SORCS1: variants seen among roughly 807,000 people sequenced by gnomAD.
SORCS1 encodes VPS10 domain-containing receptor SorCS1.
SORCS1 carries 60 observed loss-of-function variants against 146.1 expected under a neutral mutation model. That is an observed-to-expected ratio of 0.41 (90% CI 0.33 to 0.51). The LOEUF (loss-of-function observed/expected upper bound fraction) is 0.51, where lower values mean the gene tolerates loss of function less well. Among genes scored for constraint, SORCS1 ranks in the 20% least tolerant of loss-of-function variants. SORCS1 has a pLI of 0.21. For synonymous variants in SORCS1, 637 were observed against 584.0 expected, an observed-to-expected ratio of 1.09 and a Z score of -1.31; for missense variants, 1,352 against 1,487.6, an observed-to-expected ratio of 0.91 and a Z score of 1.50.
intron 21 of SORCS1, among the ~76,000 whole-genome samples, chr10:106,612,526 T>G (rs939013115): frequency 1.3e-5 from 2 of 151,584 alleles, no homozygotes; most frequent in African/African-American, 4.9e-5. Context: ...AAACTGGCCC[T>G]CTCACCCTAG....
chr10:107,148,148 C>CT (rs1703554903), intron 1 of SORCS1, among the ~76,000 whole-genome samples: 1 of 152,128 alleles, frequency 6.6e-6, no homozygotes, highest in Non-Finnish European at 1.5e-5. Flanking sequence ...GCCTTTGAGC[C>CT]AGGAAAACCA....
intron 2 of SORCS1, among the ~76,000 whole-genome samples, chr10:106,842,916 A>G: frequency 6.6e-6 from 1 of 152,222 alleles, no homozygotes; most frequent in African/African-American, 2.4e-5. Flanking sequence ...CCTGGCCCTT[A>G]CTGTTGAGTT....
chr10:106,781,400 G>A (rs575561503), intron 3 of SORCS1, among the ~76,000 whole-genome samples: 5 of 152,246 alleles, frequency 3.3e-5, no homozygotes, highest in African/African-American at 7.2e-5. Context: ...ATCAAGCAGA[G>A]GTAATGGGCT....
chr10:106,849,522 T>G, intron 2 of SORCS1, among the ~76,000 whole-genome samples: 1 of 149,312 alleles, frequency 6.7e-6, no homozygotes, highest in South Asian at 2.2e-4. Flanking sequence ...TTCTTTGCCT[T>G]TGGTTTGAAT....
At chr10:107,014,649 G>A (rs151295528) in intron 1 of SORCS1, among the ~76,000 whole-genome samples, 13 of 152,214 alleles carry the variant, frequency 8.5e-5, no homozygotes, top group African/African-American at 2.9e-4. Flanking sequence ...CAAATTGTCT[G>A]GTCCAATACC....
chr10:106,836,372 G>A (rs2137080027), intron 2 of SORCS1, among the ~76,000 whole-genome samples: 1 of 151,906 alleles, frequency 6.6e-6, no homozygotes, highest in South Asian at 2.1e-4. Flanking sequence ...TACTCGGGAG[G>A]CTGAGGCAGG....
At chr10:106,867,471 A>G (rs1032233992) in intron 2 of SORCS1, among the ~76,000 whole-genome samples, 1 of 151,994 alleles carries the variant, frequency 6.6e-6, no homozygotes, top group African/African-American at 2.4e-5. Flanking sequence ...TTTTTAGTAG[A>G]GATGGGTTTC....
intron 10 of SORCS1, among the ~76,000 whole-genome samples, chr10:106,684,055 G>T (rs1852634949): frequency 6.6e-6 from 1 of 152,184 alleles, no homozygotes; most frequent in African/African-American, 2.4e-5. Flanking sequence ...TGCCAGATAG[G>T]CCGGGCACGG....
chr10:107,020,070 A>G (rs543985013), intron 1 of SORCS1, among the ~76,000 whole-genome samples: 1 of 152,342 alleles, frequency 6.6e-6, no homozygotes, highest in East Asian at 1.9e-4. Flanking sequence ...CATGAAAGGC[A>G]ATGACCTCTG....
At chr10:106,878,626 A>G (rs1248741822) in intron 2 of SORCS1, among the ~76,000 whole-genome samples, 13 of 130,368 alleles carry the variant, frequency 1.0e-4, no homozygotes, top group African/African-American at 3.7e-4. Context: ...CCTAGTATAT[A>G]TATATATATA....
At chr10:107,024,634 T>C (rs895134376) in intron 1 of SORCS1, among the ~76,000 whole-genome samples, 4 of 152,258 alleles carry the variant, frequency 2.6e-5, no homozygotes, top group Middle Eastern at 3.4e-3. Context: ...CTTTGAGAGG[T>C]AGTAGCATAA....
intron 1 of SORCS1, among the ~76,000 whole-genome samples, chr10:107,015,757 G>A (rs1957871061): frequency 6.6e-6 from 1 of 152,172 alleles, no homozygotes; most frequent in African/African-American, 2.4e-5. Context: ...AATTAGAAGA[G>A]TTCATTTGTA....
intron 6 of SORCS1, among the ~76,000 whole-genome samples, chr10:106,717,399 A>T (rs542809847): frequency 1.3e-5 from 2 of 152,210 alleles, no homozygotes; most frequent in African/African-American, 4.8e-5. Context: ...CAAAAGTGAG[A>T]TTCTAGTCTT....
At chr10:107,159,856 C>T (rs899979078) in intron 1 of SORCS1, among the ~76,000 whole-genome samples, 5 of 151,082 alleles carry the variant, frequency 3.3e-5, no homozygotes, top group African/African-American at 1.2e-4. Flanking sequence ...AAAAAAAAAA[C>T]TGTATCAAAA....
At chr10:107,056,461 A>G (rs1433588917) in intron 1 of SORCS1, among the ~76,000 whole-genome samples, 1 of 152,134 alleles carries the variant, frequency 6.6e-6, no homozygotes, top group Non-Finnish European at 1.5e-5. Context: ...TTTTAATTTT[A>G]ATTGTTCTCT....
chr10:106,924,489 C>CTATG (rs989126024), intron 2 of SORCS1, among the ~76,000 whole-genome samples: 1 of 150,702 alleles, frequency 6.6e-6, no homozygotes, highest in African/African-American at 2.5e-5. Context: ...ATCTATCTAT[C>CTATG]TATCTATCTA....
At chr10:107,091,886 C>T (rs993297612) in intron 1 of SORCS1, among the ~76,000 whole-genome samples, 1 of 152,150 alleles carries the variant, frequency 6.6e-6, no homozygotes, top group African/African-American at 2.4e-5. Context: ...GTTTCATGAC[C>T]CATCACTCAC....
At chr10:106,715,911 C>A (rs1234564480) in intron 6 of SORCS1, among the ~76,000 whole-genome samples, 2 of 152,060 alleles carry the variant, frequency 1.3e-5, no homozygotes, top group Non-Finnish European at 2.9e-5. Flanking sequence ...TGCCACCACG[C>A]CTGGCTAATT....
At chr10:106,977,953 A>C (rs1023877588) in intron 1 of SORCS1, among the ~76,000 whole-genome samples, 1 of 151,898 alleles carries the variant, frequency 6.6e-6, no homozygotes, top group Non-Finnish European at 1.5e-5. Flanking sequence ...GTGGTTCATC[A>C]TTTTTTTTGA....
Sources: allele counts gnomAD v4.1 joint callset (sites outside exome capture counted in the v4.1 genomes callset), GRCh38; gene constraint gnomAD v4.1.1; transcripts MANE v1.5; gene names NCBI Gene and HGNC (gene_info 2026-07-23, HGNC 2026-07-21).